CFAP47: variants seen among roughly 807,000 people sequenced by gnomAD.
The protein encoded by CFAP47 is cilia- and flagella-associated protein 47.
Under a neutral mutation model 148.1 loss-of-function variants are expected in CFAP47, and 29 were observed. The ratio of observed to expected loss-of-function variants is 0.20; its 90% CI spans 0.15 to 0.27. CFAP47 has a LOEUF of 0.27. CFAP47 is among the 10% of genes least tolerant of loss of function. The pLI, the probability that CFAP47 is intolerant of heterozygous loss-of-function variation, is 1.00. For synonymous variants in CFAP47, 664 were observed against 577.3 expected (o/e 1.15, Z -2.15); for missense variants, 1,872 against 1,697.5 (o/e 1.10, Z -1.81).
At chrX:36,303,548 A>G (rs184841615) in intron 53 of CFAP47, among the ~76,000 whole-genome samples, 12 of 109,570 alleles carry the variant, frequency 1.1e-4, no homozygotes, top group Admixed American at 5.9e-4. Flanking sequence ...ACATCACTCT[A>G]ATCTCTACTT....
intron 1 of CFAP47, among the ~76,000 whole-genome samples, chrX:35,924,296 TAC>T (rs1178268087): frequency 9.8e-6 from 1 of 102,015 alleles, no homozygotes; most frequent in Non-Finnish European, 1.9e-5. Flanking sequence ...CATGTATGTG[TAC>T]ACATATGTAT....
chrX:36,107,500 T>C (rs1938485246), intron 33 of CFAP47, among the ~76,000 whole-genome samples: 1 of 112,684 alleles, frequency 8.9e-6, no homozygotes, highest in Non-Finnish European at 1.9e-5. Context: ...TGGATGGTTA[T>C]ATAGATAAAG....
At chrX:36,005,626 TA>T (rs775227778) in intron 21 of CFAP47, among the ~76,000 whole-genome samples, 42 of 112,124 alleles carry the variant, frequency 3.7e-4, no homozygotes, top group Non-Finnish European at 6.8e-4. Flanking sequence ...GCAGTAAGTC[TA>T]AAACAACTAA....
intron 47 of CFAP47, among the ~76,000 whole-genome samples, 164 bp from the exon 48 acceptor site, chrX:36,236,522 A>G (rs147103446): frequency 1.8e-4 from 20 of 112,369 alleles, no homozygotes; most frequent in African/African-American, 6.5e-4. Context: ...ATTTGTCTTT[A>G]TGTGTTTTGT....
At position 36,150,176 on chromosome X, in the gene CFAP47, T is replaced by C. The variant is rs978752962; in HGVS notation, c.5786+953T>C. On this transcript the variant is annotated intron_variant, in intron 37 of 63. Transcript: ENST00000378653. ...TGTTATATGTGTCATTTTTATCTAA[T>C]TGTGTTCTCATAGTTATTTAATGTT... Among the ~76,000 whole-genome samples the C allele has an allele frequency of 5.4e-5, 6 of 111,176 alleles. No homozygotes were observed. The East Asian group carries it at 8.5e-4, about 16-fold the overall frequency.
chrX:36,332,851 T>C (rs782286868), intron 57 of CFAP47, among the ~76,000 whole-genome samples: 1 of 112,280 alleles, frequency 8.9e-6, no homozygotes, highest in South Asian at 3.7e-4. Flanking sequence ...TCTCCACATA[T>C]CACATTAGTG....
intron 37 of CFAP47, among the ~76,000 whole-genome samples, chrX:36,156,383 C>A (rs1327507805): frequency 9.0e-6 from 1 of 111,291 alleles, no homozygotes; most frequent in Non-Finnish European, 1.9e-5. Flanking sequence ...AAATGTTAAA[C>A]AGCTACACCA....
At chrX:36,382,496 T>C (rs1274580257) in intron 63 of CFAP47, among the ~76,000 whole-genome samples, 1 of 111,565 alleles carries the variant, frequency 9.0e-6, no homozygotes, top group African/African-American at 3.3e-5. Flanking sequence ...ATCTTACAAT[T>C]GAAAGTTGAA....
rs898827548 is a variant in CFAP47, at chrX:36,263,045, C to T, written c.7444+11601C>T. On this transcript the variant is annotated intron_variant, in intron 49 of 63. Coordinates refer to ENST00000378653, the MANE Select transcript of CFAP47 (RefSeq NM_001304548.2). ...GAGATATATTTATTCAAATATTTCT[C>T]CCATTTTTATCAGATTATTAGTTTT... 3.6e-5 allele frequency among the ~76,000 whole-genome samples: 4 copies of T among 111,855 alleles called. No individual in the cohort carries two copies. In the South Asian group the frequency reaches 1.1e-3, roughly 31 times the overall value.
rs746856532 is a variant in CFAP47, at chrX:35,932,807, A to G, written c.401+6639A>G. ...ATGCCCAGCTAATTTTTGTATTTTTAGTAGAGATGAGGTTTCACCAGGTTG... is the reference window on the plus strand; with the variant it reads ...ATGCCCAGCTAATTTTTGTATTTTTGGTAGAGATGAGGTTTCACCAGGTTG... On this transcript the variant is annotated intron_variant, in intron 2 of 63. Transcript: ENST00000378653. Among the ~76,000 whole-genome samples, 3 of 109,599 alleles carry G rather than the reference A, an allele frequency of 2.7e-5. No homozygotes were observed. The East Asian group carries it at 8.7e-4, about 32-fold the overall frequency.
At chrX:36,276,853 T>A (rs1941023398) in intron 49 of CFAP47, among the ~76,000 whole-genome samples, 1 of 111,849 alleles carries the variant, frequency 8.9e-6, no homozygotes, top group African/African-American at 3.2e-5. Context: ...GCAAAATTAT[T>A]AAATATAGGA....
intron 29 of CFAP47, among the ~76,000 whole-genome samples, chrX:36,081,125 G>C (rs919392010): frequency 1.8e-5 from 2 of 111,127 alleles, no homozygotes; most frequent in Admixed American, 9.6e-5. Flanking sequence ...AAAAAAGAGA[G>C]AATATACAAA....
At chrX:35,965,640 A>G (rs192930045) in intron 8 of CFAP47, among the ~76,000 whole-genome samples, 58 of 111,975 alleles carry the variant, frequency 5.2e-4, no homozygotes, top group Non-Finnish European at 1.7e-4. Flanking sequence ...AAAGTGCTGC[A>G]TATATGCATA....
At chrX:36,351,726 A>G (rs1275649841) in intron 59 of CFAP47, among the ~76,000 whole-genome samples, 1 of 112,061 alleles carries the variant, frequency 8.9e-6, no homozygotes, top group Non-Finnish European at 1.9e-5. Flanking sequence ...AGCACAACCT[A>G]TCGCAACATT....
At chrX:36,097,809 C>T (rs960558651) in intron 30 of CFAP47, among the ~76,000 whole-genome samples, 52 of 110,889 alleles carry the variant, frequency 4.7e-4, no homozygotes, top group Non-Finnish European at 9.6e-4. Flanking sequence ...AACATTCATT[C>T]GGATATTGGA....
intron 39 of CFAP47, among the ~76,000 whole-genome samples, chrX:36,178,367 A>T (rs753706014): frequency 3.9e-4 from 44 of 111,856 alleles, no homozygotes; most frequent in African/African-American, 1.3e-3. Flanking sequence ...ATAAAATAAA[A>T]AATAAAAATT....
chrX:36,239,529 C>G (rs1352780334), intron 48 of CFAP47, among the ~76,000 whole-genome samples: 1 of 111,994 alleles, frequency 8.9e-6, no homozygotes, highest in Non-Finnish European at 1.9e-5. Flanking sequence ...CTAGCAGCAT[C>G]CCACTAGGAA....
intron 35 of CFAP47, among the ~76,000 whole-genome samples, chrX:36,139,708 A>G (rs1377903983): frequency 8.9e-6 from 1 of 111,850 alleles, no homozygotes; most frequent in Non-Finnish European, 1.9e-5. Flanking sequence ...GAGAAAGACT[A>G]TTATAACTAA....
At chrX:36,153,641 C>T (rs774699174) in intron 37 of CFAP47, among the ~76,000 whole-genome samples, 8 of 112,386 alleles carry the variant, frequency 7.1e-5, no homozygotes, top group Non-Finnish European at 1.3e-4. Flanking sequence ...CCAAGACTCT[C>T]CAGGGTACCC....
Sources: gnomAD v4.1 joint callset for allele counts (sites outside exome capture counted in the v4.1 genomes callset) on GRCh38, gnomAD v4.1.1 for gene constraint, MANE v1.5 for transcripts, NCBI Gene and HGNC (gene_info 2026-07-23, HGNC 2026-07-21) for gene names.